Variants in ATRNL1 observed in about 807,000 individuals in gnomAD.
ATRNL1 encodes the protein attractin like 1.
In ATRNL1, 95 loss-of-function variants were observed where a neutral mutation model predicts 182.7. The ratio of observed to expected loss-of-function variants is 0.52; its 90% CI spans 0.44 to 0.62. The LOEUF (loss-of-function observed/expected upper bound fraction) is 0.62. Ranked by LOEUF, ATRNL1 falls within the 20% of genes least tolerant of loss-of-function variation. The pLI, the probability that ATRNL1 is intolerant of heterozygous loss-of-function variation, is 0.00. For synonymous variants in ATRNL1, 576 were observed against 568.3 expected, an observed-to-expected ratio of 1.01 and a Z score of -0.19; for missense variants, 1,471 against 1,679.5, an observed-to-expected ratio of 0.88 and a Z score of 2.17.
At chr10:115,105,993 C>A (rs1843993433) in intron 1 of ATRNL1, among the ~76,000 whole-genome samples, 1 of 152,102 alleles carries the variant, frequency 6.6e-6, no homozygotes. Flanking sequence ...CCTGCAGACC[C>A]CAGAACAGTA....
chr10:115,740,411 T>C (rs1157187871), intron 27 of ATRNL1, among the ~76,000 whole-genome samples: 4 of 152,202 alleles, frequency 2.6e-5, no homozygotes, highest in African/African-American at 9.6e-5. Flanking sequence ...AGCACACACC[T>C]ATAGTCCCAG....
At chr10:115,409,954 A>G (rs556112191) in intron 20 of ATRNL1, among the ~76,000 whole-genome samples, 6 of 152,232 alleles carry the variant, frequency 3.9e-5, no homozygotes, top group Admixed American at 1.3e-4. Flanking sequence ...AATTTTGTCA[A>G]ATGCTCTTTC....
chr10:115,148,894 T>G (rs1846091445), intron 5 of ATRNL1, among the ~76,000 whole-genome samples: 1 of 151,752 alleles, frequency 6.6e-6, no homozygotes, highest in Admixed American at 6.6e-5. Context: ...GGACTACAGG[T>G]GTGCGCCACC....
intron 26 of ATRNL1, among the ~76,000 whole-genome samples, chr10:115,611,647 A>G (rs1274842134): frequency 2.0e-5 from 3 of 152,150 alleles, no homozygotes; most frequent in Admixed American, 2.0e-4. Flanking sequence ...ATGGTGTGAT[A>G]TATTTCCTTA....
chr10:115,657,380 T>G (rs1555036281), intron 26 of ATRNL1, among the ~76,000 whole-genome samples: 2 of 152,122 alleles, frequency 1.3e-5, no homozygotes, highest in African/African-American at 4.8e-5. Context: ...TACAGTGACA[T>G]TTTTTGAAAG....
At chr10:115,598,985 T>G (rs1856437781) in intron 26 of ATRNL1, among the ~76,000 whole-genome samples, 1 of 152,196 alleles carries the variant, frequency 6.6e-6, no homozygotes, top group African/African-American at 2.4e-5. Context: ...TTTAAATATT[T>G]TTTTACCCAT....
chr10:115,596,399 C>T (rs1856244270), intron 26 of ATRNL1, among the ~76,000 whole-genome samples: 1 of 152,192 alleles, frequency 6.6e-6, no homozygotes, highest in South Asian at 2.1e-4. Flanking sequence ...AGCCACCACG[C>T]CCGGCCCGTC....
intron 17 of ATRNL1, among the ~76,000 whole-genome samples, chr10:115,307,953 T>A (rs1853818666): frequency 6.6e-6 from 1 of 152,114 alleles, no homozygotes; most frequent in Non-Finnish European, 1.5e-5. Flanking sequence ...TACACGTCTA[T>A]TCATTTAACA....
intron 12 of ATRNL1, among the ~76,000 whole-genome samples, chr10:115,267,757 A>G (rs2133886190): frequency 6.6e-6 from 1 of 152,098 alleles, no homozygotes; most frequent in South Asian, 2.1e-4. Flanking sequence ...ACTTTCTCTA[A>G]AATACGTAAA....
intron 28 of ATRNL1, among the ~76,000 whole-genome samples, chr10:115,876,477 C>T (rs1265381554): frequency 6.6e-6 from 1 of 152,192 alleles, no homozygotes; most frequent in Non-Finnish European, 1.5e-5. Context: ...AACTTTATAA[C>T]AGGCATTTTC....
intron 8 of ATRNL1, among the ~76,000 whole-genome samples, chr10:115,178,463 A>G (rs1303208101): frequency 2.0e-5 from 3 of 152,020 alleles, no homozygotes; most frequent in Non-Finnish European, 4.4e-5. Flanking sequence ...TATTTACTGC[A>G]TTTTTCATTT....
At chr10:115,600,893 G>A (rs1275555144) in intron 26 of ATRNL1, among the ~76,000 whole-genome samples, 13 of 147,808 alleles carry the variant, frequency 8.8e-5, no homozygotes, top group Admixed American at 6.8e-5. Context: ...TAATTTCAGA[G>A]TCTGATGTAA....
intron 24 of ATRNL1, among the ~76,000 whole-genome samples, chr10:115,476,148 G>A (rs1393057721): frequency 6.6e-6 from 1 of 151,108 alleles, no homozygotes; most frequent in Non-Finnish European, 1.5e-5. Context: ...AATATTTCCT[G>A]ATTTTTCCTG....
Position 115,539,239 on chromosome 10 carries a change from C to A in ATRNL1, c.3717-10219C>A, listed in dbSNP as rs577311688. Among the ~76,000 whole-genome samples the A allele has an allele frequency of 5.3e-5, 8 of 149,608 alleles. No individual in the cohort carries two copies. In the South Asian group the frequency reaches 1.5e-3, roughly 28 times the overall value. On this transcript the variant is annotated intron_variant, in intron 25 of 28. Transcript: ENST00000355044. ...GCTGATTATTTCACATGTGGATATC[C>A]TGTTGTTACACCATGATTTGTTATA...
intron 26 of ATRNL1, among the ~76,000 whole-genome samples, chr10:115,560,902 A>C: frequency 6.6e-6 from 1 of 152,208 alleles, no homozygotes; most frequent in Admixed American, 6.5e-5. Flanking sequence ...ATTAAATGGA[A>C]GAAAGATTCA....
In ATRNL1 at chr10:115,744,380, T is replaced by C. The variant is rs544433810; in HGVS notation, c.3903+17025T>C. On this transcript the variant is annotated intron_variant, in intron 27 of 28. Transcript: ENST00000355044. The stretch of plus-strand genomic sequence containing the variant: ...TGATACTCTAGAATATCTTAGAATC[T>C]GCTGTTAAGGATGACATTAATTATA... 3.0e-4 allele frequency among the ~76,000 whole-genome samples: 46 copies of C among 152,136 alleles called. 1 individual carries two copies. Among genetic ancestry groups the C allele is most frequent in the Non-Finnish European group, 6.0e-4 (41 of 67,996 alleles).
At chr10:115,581,318 C>G (rs1269579310) in intron 26 of ATRNL1, among the ~76,000 whole-genome samples, 4 of 151,974 alleles carry the variant, frequency 2.6e-5, no homozygotes, top group African/African-American at 9.7e-5. Context: ...AGAAGCCAGT[C>G]CCTTGAGATG....
chr10:115,589,282 G>A (rs189117706), intron 26 of ATRNL1, among the ~76,000 whole-genome samples: 1 of 152,182 alleles, frequency 6.6e-6, no homozygotes, highest in East Asian at 1.9e-4. Flanking sequence ...GCATAAAGCT[G>A]GAGGAATATT....
At chr10:115,354,683 T>A (rs1554942373) in intron 19 of ATRNL1, among the ~76,000 whole-genome samples, 1 of 152,114 alleles carries the variant, frequency 6.6e-6, no homozygotes, top group African/African-American at 2.4e-5. Flanking sequence ...TTCAGTTGAA[T>A]CTTCTTGATG....
Sources: allele counts gnomAD v4.1 joint callset (sites outside exome capture counted in the v4.1 genomes callset), GRCh38; gene constraint gnomAD v4.1.1; transcripts MANE v1.5; gene names NCBI Gene and HGNC (gene_info 2026-07-23, HGNC 2026-07-21).